The following SGCZ variants were observed in gnomAD, a reference collection of about 807,000 sequenced individuals.
SGCZ encodes zeta-sarcoglycan.
In SGCZ, 40 loss-of-function variants were observed where a neutral mutation model predicts 41.3. The ratio of observed to expected loss-of-function variants is 0.97; its 90% CI spans 0.75 to 1.26. The LOEUF is 1.26. Among genes scored for constraint, SGCZ ranks in the 50% most tolerant of loss-of-function variants. SGCZ has a pLI of 0.00. For missense variants in SGCZ, 552 were observed against 369.8 expected (o/e 1.49, Z -4.04); for synonymous variants, 206 against 137.5 (o/e 1.50, Z -3.49).
intron 1 of SGCZ, among the ~76,000 whole-genome samples, chr8:15,234,510 A>T (rs1361622697): frequency 6.6e-6 from 1 of 152,228 alleles, no homozygotes. Flanking sequence ...GATGTGTTTC[A>T]TCAGGAGTTT....
intron 2 of SGCZ, among the ~76,000 whole-genome samples, chr8:14,373,971 G>A (rs943450450): frequency 6.6e-5 from 10 of 151,624 alleles, no homozygotes; most frequent in Non-Finnish European, 1.3e-4. Context: ...CATGTGCCCC[G>A]GAACTTAAAA....
At chr8:14,689,810 T>A (rs997351897) in intron 1 of SGCZ, among the ~76,000 whole-genome samples, 1 of 152,118 alleles carries the variant, frequency 6.6e-6, no homozygotes, top group African/African-American at 2.4e-5. Flanking sequence ...AGAATCCCCA[T>A]CAGCTGTGGT....
chr8:14,622,581 G>C lies in SGCZ; in HGVS notation c.40-67655C>G, dbSNP rs549926964. ...TTTTCATCTTCTTTTATTCTTGTTT[G>C]TTTTGAAAATAAAATGTTTACTCAT... On this transcript the variant is annotated intron_variant, in intron 1 of 7. Coordinates refer to ENST00000382080, the MANE Select transcript of SGCZ (RefSeq NM_139167.4). Among the ~76,000 whole-genome samples, 4 of 152,070 alleles carry C rather than the reference G, an allele frequency of 2.6e-5. No individual in the cohort carries two copies. The East Asian group carries it at 7.7e-4, about 29-fold the overall frequency.
At chr8:14,290,698 A>G (rs1352192033) in intron 3 of SGCZ, among the ~76,000 whole-genome samples, 1 of 150,730 alleles carries the variant, frequency 6.6e-6, no homozygotes, top group East Asian at 2.0e-4. Context: ...AGTGTCAATA[A>G]GAATGTGGAG....
chr8:14,281,748 T>C (rs1191814438), intron 3 of SGCZ, among the ~76,000 whole-genome samples: 2 of 152,020 alleles, frequency 1.3e-5, no homozygotes, highest in African/African-American at 4.8e-5. Context: ...ACAAAACACA[T>C]AGAGGGGCCT....
chr8:14,301,912 G>A (rs974369960), intron 3 of SGCZ, among the ~76,000 whole-genome samples: 2 of 152,094 alleles, frequency 1.3e-5, no homozygotes, highest in African/African-American at 4.8e-5. Flanking sequence ...TAATTTTGTA[G>A]CTGTTTGAAT....
chr8:14,949,131 G>C (rs1210164550), intron 1 of SGCZ, among the ~76,000 whole-genome samples: 2 of 152,016 alleles, frequency 1.3e-5, no homozygotes, highest in African/African-American at 4.8e-5. Flanking sequence ...TCAAGAATTA[G>C]CCTGAAAAGA....
chr8:14,182,529 C>T (rs367924452), intron 4 of SGCZ, among the ~76,000 whole-genome samples: 1 of 152,146 alleles, frequency 6.6e-6, no homozygotes, highest in African/African-American at 2.4e-5. Context: ...TTGTCCAACT[C>T]ATTCTTTGGT....
At chr8:14,272,756 G>A (rs1800104174) in intron 3 of SGCZ, among the ~76,000 whole-genome samples, 6 of 152,168 alleles carry the variant, frequency 3.9e-5, no homozygotes, top group Admixed American at 2.6e-4. Flanking sequence ...TCATAATATT[G>A]GTGAACAGCT....
intron 1 of SGCZ, among the ~76,000 whole-genome samples, chr8:14,693,449 A>G (rs1318455857): frequency 6.6e-6 from 1 of 151,764 alleles, no homozygotes; most frequent in Non-Finnish European, 1.5e-5. Flanking sequence ...GCACTACCAC[A>G]TCCAGATAAT....
chr8:14,113,416 G>A (rs865852461), intron 5 of SGCZ, among the ~76,000 whole-genome samples: 32 of 151,984 alleles, frequency 2.1e-4, no homozygotes, highest in South Asian at 8.3e-4. Context: ...AGTTGCTTAC[G>A]TTTCAGGCCA....
chr8:14,651,326 T>A (rs1807392018), intron 1 of SGCZ, among the ~76,000 whole-genome samples: 1 of 152,116 alleles, frequency 6.6e-6, no homozygotes, highest in Admixed American at 6.6e-5. Context: ...TCCTTATTAT[T>A]TAGAAGCATT....
chr8:14,435,320 G>C (rs981783238), intron 2 of SGCZ, among the ~76,000 whole-genome samples: 2 of 151,936 alleles, frequency 1.3e-5, no homozygotes, highest in Admixed American at 6.6e-5. Flanking sequence ...CATCATTTAG[G>C]GTTCATTTCA....
intron 3 of SGCZ, chr8:14,309,508 A>T: frequency 6.2e-7 from 1 of 1,609,062 alleles, no homozygotes; most frequent in Non-Finnish European, 8.5e-7. Flanking sequence ...GTGATAAGAG[A>T]GCAGTGTGGA....
At chr8:14,309,025 A>T in intron 3 of SGCZ, 1 of 1,208,092 alleles carries the variant, frequency 8.3e-7, no homozygotes, top group Non-Finnish European at 1.2e-6. Flanking sequence ...TTTACCAGAA[A>T]ATGAAACCGG....
chr8:14,202,984 T>C (rs911190703), intron 4 of SGCZ, among the ~76,000 whole-genome samples: 3 of 152,126 alleles, frequency 2.0e-5, no homozygotes, highest in Admixed American at 1.3e-4. Flanking sequence ...AGTAAATGAA[T>C]CTCAGAAGAT....
chr8:14,534,943 G>A (rs573364480), intron 2 of SGCZ, among the ~76,000 whole-genome samples: 8 of 152,062 alleles, frequency 5.3e-5, no homozygotes, highest in African/African-American at 1.9e-4. Flanking sequence ...CACACTTAAA[G>A]TTAAATCGAT....
intron 3 of SGCZ, among the ~76,000 whole-genome samples, chr8:14,239,024 A>G (rs1034628722): frequency 4.0e-5 from 6 of 151,346 alleles, no homozygotes; most frequent in Non-Finnish European, 7.4e-5. Flanking sequence ...AAAAGAAAAA[A>G]AAGTCTAGTT....
intron 5 of SGCZ, among the ~76,000 whole-genome samples, chr8:14,157,523 C>T (rs984515634): frequency 2.7e-5 from 4 of 150,166 alleles, no homozygotes; most frequent in Non-Finnish European, 4.4e-5. Context: ...ACTATTTTTA[C>T]CAAGTGATAA....
Sources: allele counts gnomAD v4.1 joint callset (sites outside exome capture counted in the v4.1 genomes callset), GRCh38; gene constraint gnomAD v4.1.1; transcripts MANE v1.5; gene names NCBI Gene and HGNC (gene_info 2026-07-23, HGNC 2026-07-21).